PCDH11X: variants seen among roughly 807,000 people sequenced by gnomAD.
The protein encoded by PCDH11X is protocadherin 11 X-linked.
In PCDH11X, 18 loss-of-function variants were observed where a neutral mutation model predicts 53.3. The observed-to-expected ratio is 0.34, with a 90% CI of 0.23 to 0.50. The LOEUF (loss-of-function observed/expected upper bound fraction) is 0.50. PCDH11X is among the 20% of genes least tolerant of loss of function. The pLI, the probability that PCDH11X is intolerant of heterozygous loss-of-function variation, is 0.98. For missense variants in PCDH11X, 570 were observed against 1,032.4 expected (o/e 0.55, Z 6.14); for synonymous variants, 279 against 393.3 (o/e 0.71, Z 3.44).
chrX:92,497,461 G>T (rs2073879830), intron 10 of PCDH11X, among the ~76,000 whole-genome samples: 1 of 109,858 alleles, frequency 9.1e-6, no homozygotes, highest in Admixed American at 9.8e-5. Flanking sequence ...GAAGCTTCAG[G>T]AGGGTAGATT....
At chrX:92,177,221 G>T (rs1423132351) in intron 6 of PCDH11X, among the ~76,000 whole-genome samples, 2 of 110,748 alleles carry the variant, frequency 1.8e-5, no homozygotes, top group Non-Finnish European at 3.8e-5. Context: ...CAAGCAATCT[G>T]CCTGCCTTGG....
chrX:92,148,088 TTCTTTCTTTCTTTCTTTCTTTCTTTC>T (rs2065341871), intron 6 of PCDH11X, among the ~76,000 whole-genome samples: 1 of 18,513 alleles, frequency 5.4e-5, no homozygotes, highest in Non-Finnish European at 9.6e-5. Flanking sequence ...CTTTCTTTCT[TTCTTTCTTTCTTTCTTTCTTTCTTTC>T]TTTCTTTCTT....
chrX:91,878,300 C>T lies in PCDH11X; in HGVS notation c.2060C>T (p.Pro687Leu), dbSNP rs1939718524. ...AACTGTTCTTATGAATTGGTTCTAC[C>T]GTCCACTAATCCAGGCACAGTGGTC... ...PSNCSYELVLPSTNPGTVVFQ... is the reference protein window; with the variant it reads ...PSNCSYELVLLSTNPGTVVFQ... Residue 687 changes from proline to leucine, a missense_variant, in exon 6 of 11, where the codon CCG becomes CTG. By Grantham distance (98) the Pro-to-Leu change is moderately conservative. Around this residue, in one of 6 missense-constraint regions of PCDH11X, gnomAD observed 226 missense variants for 457.5 expected, o/e 0.49. Transcript: ENST00000682573. 1.9e-5 allele frequency: 23 copies of T among 1,208,392 alleles called. No homozygotes were observed. Among genetic ancestry groups the T allele is most frequent in the Non-Finnish European group, 2.5e-5 (22 of 894,906 alleles).
intron 8 of PCDH11X, among the ~76,000 whole-genome samples, chrX:92,313,678 A>C (rs1170243783): frequency 1.8e-5 from 2 of 109,545 alleles, no homozygotes; most frequent in African/African-American, 6.6e-5. Context: ...TCCTTACACA[A>C]ATCTGGAAGG....
intron 6 of PCDH11X, among the ~76,000 whole-genome samples, chrX:91,906,081 G>C (rs1257937049): frequency 2.7e-5 from 3 of 110,501 alleles, no homozygotes; most frequent in Non-Finnish European, 3.8e-5. Context: ...CATATTTAAA[G>C]ACTAAAAAAT....
chrX:92,183,416 C>G (rs1184506514), intron 6 of PCDH11X, among the ~76,000 whole-genome samples: 1 of 110,646 alleles, frequency 9.0e-6, no homozygotes, highest in Non-Finnish European at 1.9e-5. Context: ...GCCACCACAC[C>G]TGGCTAATTT....
At chrX:92,564,589 CT>C (rs764089360) in intron 10 of PCDH11X, among the ~76,000 whole-genome samples, 1 of 110,002 alleles carries the variant, frequency 9.1e-6, no homozygotes, top group Non-Finnish European at 1.9e-5. Flanking sequence ...AACTAGACCC[CT>C]ATCTCTAACC....
rs1928309762 is a variant in PCDH11X, at chrX:92,619,214, T to G, written c.*274T>G. 3 of 389,843 alleles carry G rather than the reference T, an allele frequency of 7.7e-6. No individual in the cohort carries two copies. Among genetic ancestry groups the G allele is most frequent in the East Asian group, 4.5e-5 (1 of 22,195 alleles). 32.1% of individuals were successfully genotyped at this position (389,843 alleles called of 1,213,427 possible). A position where few individuals can be genotyped will look rare whatever the true frequency, so the allele number is the denominator to read the frequency against. The stretch of plus-strand genomic sequence containing the variant: ...TCATGACAGAGCGCACTATTTCTGA[T>G]GTACAGTATTTTTTGTTGTTTTTAT... On this transcript the variant is annotated 3_prime_UTR_variant, in exon 11 of 11. Coordinates refer to ENST00000682573, the MANE Select transcript of PCDH11X (RefSeq NM_032968.5).
chrX:91,889,509 C>A (rs945744292), intron 6 of PCDH11X, among the ~76,000 whole-genome samples: 1 of 111,695 alleles, frequency 9.0e-6, no homozygotes, highest in East Asian at 2.8e-4. Context: ...AACGGGGTTT[C>A]GCCATGCTGA....
chrX:92,034,979 G>A (rs2063106683), intron 6 of PCDH11X, among the ~76,000 whole-genome samples: 1 of 109,774 alleles, frequency 9.1e-6, no homozygotes, highest in South Asian at 3.9e-4. Context: ...ATTATTTTAA[G>A]CTGATAACAC....
intron 6 of PCDH11X, among the ~76,000 whole-genome samples, chrX:91,940,153 G>A (rs2147854079): frequency 9.0e-6 from 1 of 110,514 alleles, no homozygotes; most frequent in East Asian, 2.9e-4. Flanking sequence ...TTAAAAGTAT[G>A]CAGCACTTCC....
chrX:91,914,261 C>G (rs1187776017), intron 6 of PCDH11X, among the ~76,000 whole-genome samples: 4 of 110,509 alleles, frequency 3.6e-5, no homozygotes, highest in Non-Finnish European at 5.7e-5. Context: ...GAACAGCAGG[C>G]CTTAAGTTTC....
At position 91,952,245 on chromosome X, in the gene PCDH11X, G is replaced by C. The variant is rs759482190; in HGVS notation, c.3033+72972G>C. ...ATTTATTGCAGTTTAAAGTTGATTT[G>C]GCAGTTGATTTTATTAATGAGTAGT... On this transcript the variant is annotated intron_variant, in intron 6 of 10. Coordinates refer to ENST00000682573, the MANE Select transcript of PCDH11X (RefSeq NM_032968.5). Among the ~76,000 whole-genome samples, 7 of 109,756 alleles carry C rather than the reference G, an allele frequency of 6.4e-5. No individual in the cohort carries two copies. In the South Asian group the frequency reaches 2.8e-3, roughly 44 times the overall value.
intron 10 of PCDH11X, among the ~76,000 whole-genome samples, chrX:92,575,044 A>C (rs1033037266): frequency 9.0e-6 from 1 of 111,098 alleles, no homozygotes; most frequent in African/African-American, 3.3e-5. Context: ...AATGCTTAAA[A>C]TATAAGAAAA....
chrX:92,223,442 G>A (rs2066916168), intron 7 of PCDH11X, among the ~76,000 whole-genome samples: 1 of 111,668 alleles, frequency 9.0e-6, no homozygotes, highest in Admixed American at 9.6e-5. Context: ...AGTACAATGT[G>A]AGTTCTTAAG....
intron 8 of PCDH11X, among the ~76,000 whole-genome samples, chrX:92,331,348 C>G (rs2522727): frequency 1.3e-5 from 1 of 77,843 alleles, no homozygotes; most frequent in African/African-American, 5.5e-5. Context: ...CTTCCTTTTC[C>G]CCCTCCTCTT....
chrX:92,453,104 A>T (rs1413837988), intron 9 of PCDH11X, among the ~76,000 whole-genome samples: 1 of 105,665 alleles, frequency 9.5e-6, no homozygotes, highest in East Asian at 2.9e-4. Context: ...TGTCTTATAA[A>T]TGTAACCGGT....
chrX:92,006,254 G>A (rs1456809702), intron 6 of PCDH11X, among the ~76,000 whole-genome samples: 2 of 110,202 alleles, frequency 1.8e-5, no homozygotes, highest in Non-Finnish European at 3.8e-5. Context: ...TTGTCCTTTT[G>A]AGGCTATTTT....
intron 9 of PCDH11X, among the ~76,000 whole-genome samples, chrX:92,441,738 T>A (rs1429416144): frequency 1.8e-5 from 2 of 111,734 alleles, no homozygotes; most frequent in Non-Finnish European, 3.8e-5. Context: ...TAGGGAAATG[T>A]GGGGTCGGCA....
Sources: allele counts gnomAD v4.1 joint callset (sites outside exome capture counted in the v4.1 genomes callset), GRCh38; gene constraint gnomAD v4.1.1; regional missense constraint gnomAD v4.1.1; transcripts MANE v1.5; gene names NCBI Gene and HGNC (gene_info 2026-07-23, HGNC 2026-07-21).